The following INTS8 variants were observed in gnomAD, a reference collection of about 807,000 sequenced individuals.
INTS8 encodes protein kaonashi-1.
In INTS8, 47 loss-of-function variants were observed where a neutral mutation model predicts 138.9. The ratio of observed to expected loss-of-function variants is 0.34; its 90% CI spans 0.27 to 0.43. The LOEUF (loss-of-function observed/expected upper bound fraction) is 0.43, where lower values mean the gene tolerates loss of function less well. Among genes scored for constraint, INTS8 ranks in the 20% least tolerant of loss-of-function variants. INTS8 has a pLI of 1.00. For missense variants in INTS8, 996 were observed against 1,173.0 expected (o/e 0.85, Z 2.20); for synonymous variants, 392 against 400.9 (o/e 0.98, Z 0.27).
At chr8:94,838,740 G>T in intron 8 of INTS8, 122 bp downstream of exon 8, 2 of 656,654 alleles carry the variant, frequency 3.0e-6, no homozygotes, top group African/African-American at 1.8e-5. Context: ...TGTCATACTG[G>T]CCTGTAACAT....
At chr8:94,828,552 C>A (rs775610274) in intron 4 of INTS8, among the ~76,000 whole-genome samples, 4 of 152,004 alleles carry the variant, frequency 2.6e-5, no homozygotes, top group Non-Finnish European at 5.9e-5. Context: ...GGCAGCCTAG[C>A]CAAATTTGGA....
chr8:94,842,894 T>C (rs976698747), intron 10 of INTS8, among the ~76,000 whole-genome samples: 7 of 152,240 alleles, frequency 4.6e-5, no homozygotes, highest in Non-Finnish European at 1.0e-4. Flanking sequence ...TCTGTGTTTC[T>C]ACTGGATCAC....
chr8:94,849,213 A>G (rs1471904237), intron 10 of INTS8, among the ~76,000 whole-genome samples: 2 of 152,156 alleles, frequency 1.3e-5, no homozygotes, highest in Admixed American at 6.5e-5. Flanking sequence ...ACTGTATAGC[A>G]TGGTAACTAG....
chr8:94,880,670 A>G lies in INTS8; in HGVS notation c.*436A>G, dbSNP rs1290560206. ...AAGTTTAGGTCAAGTGTTAAGCTTT[A>G]TCACTTTGACACTGTCCTTATCTCA... On this transcript the variant is annotated 3_prime_UTR_variant, in exon 27 of 27. Transcript: ENST00000523731. 1.5e-5 allele frequency: 6 copies of G among 393,282 alleles called. No homozygotes were observed. The highest frequency in any genetic ancestry group is 1.2e-4 in the African/African-American group (6 of 48,536). 24.4% of individuals were successfully genotyped at this position (393,282 alleles called of 1,614,324 possible).
intron 8 of INTS8, 150 bp downstream of exon 8, chr8:94,838,768 C>G: frequency 1.7e-6 from 1 of 594,288 alleles, no homozygotes; most frequent in Non-Finnish European, 3.0e-6. Context: ...ATAATTATCC[C>G]ATTTCCTAAG....
At chr8:94,870,828 T>G (rs1291166649) in intron 20 of INTS8, among the ~76,000 whole-genome samples, 1 of 152,182 alleles carries the variant, frequency 6.6e-6, no homozygotes, top group African/African-American at 2.4e-5. Flanking sequence ...GCCTGTATTC[T>G]CTACCCTTGT....
intron 2 of INTS8, among the ~76,000 whole-genome samples, chr8:94,825,648 A>G (rs939145471): frequency 2.6e-5 from 4 of 152,152 alleles, no homozygotes; most frequent in Non-Finnish European, 5.9e-5. Context: ...TTTACTGGTC[A>G]TAAATCACTA....
intron 13 of INTS8, 71 bp from the exon 14 acceptor site, chr8:94,853,733 GT>G (rs1430972076): frequency 2.5e-6 from 2 of 807,344 alleles, no homozygotes; most frequent in Admixed American, 2.0e-5. Flanking sequence ...ATTGAAGATT[GT>G]TGAAAGATTC....
chr8:94,873,812 T>C lies in INTS8; in HGVS notation c.2637+335T>C, dbSNP rs1816485476. The C allele has an allele frequency of 2.2e-5, 4 of 182,396 alleles. No homozygotes were observed. The South Asian group carries it at 5.7e-4, about 26-fold the overall frequency. The allele number at this position is 182,396 out of a possible 1,614,324, so 11.3% of individuals were successfully genotyped here. On this transcript the variant is annotated intron_variant, in intron 22 of 26. Transcript: ENST00000523731. ...CTGCAAAATACCAAACATTTTTGTT[T>C]AACCATTTGAGTAGTTCAAGCCCAA...
intron 10 of INTS8, among the ~76,000 whole-genome samples, chr8:94,848,747 A>G (rs1025500818): frequency 6.6e-6 from 1 of 152,140 alleles, no homozygotes; most frequent in African/African-American, 2.4e-5. Flanking sequence ...CTTTTTGGCT[A>G]CTATGATTAA....
Position 94,832,148 on chromosome 8 carries a change from G to A in INTS8, c.727G>A (p.Val243Ile). 6.2e-7 allele frequency: 1 copy of A among 1,612,096 alleles called. No homozygotes were observed. Residue 243 changes from valine (V) to isoleucine (I), a missense_variant, in exon 6 of 27, where the codon GTC (valine) becomes ATC (isoleucine). Val to Ile is a conservative substitution (Grantham distance 29). Transcript: ENST00000523731. ...TGAGAGTTCTACTGCTGGATTGAAA[G>A]TCAAAACCGAAGAAATGCAGTGCCA... is the stretch of plus-strand genomic sequence containing the variant. ...ETESSTAGLK[V>I]KTEEMQCQVC...
At chr8:94,828,411 A>G (rs558845081) in intron 4 of INTS8, among the ~76,000 whole-genome samples, 1 of 152,340 alleles carries the variant, frequency 6.6e-6, no homozygotes, top group African/African-American at 2.4e-5. Flanking sequence ...ATATGTCAAT[A>G]TTAGAGTACA....
At chr8:94,854,908 A>ATTT (rs35252211) in intron 14 of INTS8, among the ~76,000 whole-genome samples, 11 of 135,738 alleles carry the variant, frequency 8.1e-5, no homozygotes, top group East Asian at 4.3e-4. Flanking sequence ...ATTTGAAAGA[A>ATTT]TTTTTTTTTT....
chr8:94,873,016 C>G (rs1445049212), intron 21 of INTS8, among the ~76,000 whole-genome samples: 3 of 152,140 alleles, frequency 2.0e-5, no homozygotes, highest in Admixed American at 1.3e-4. Flanking sequence ...TATTTTGATG[C>G]AAATGCTGAT....
intron 22 of INTS8, 103 bp from the exon 23 acceptor site, chr8:94,874,449 T>G (rs1362344685): frequency 2.8e-6 from 2 of 710,676 alleles, no homozygotes; most frequent in East Asian, 5.5e-5. Context: ...CCCCCGTTCC[T>G]CCACACACAG....
chr8:94,876,932 C>CT (rs1816584774), intron 26 of INTS8, among the ~76,000 whole-genome samples: 2 of 152,292 alleles, frequency 1.3e-5, no homozygotes, highest in East Asian at 3.9e-4. Context: ...CCTCAGATCT[C>CT]TCGTCAATCA....
chr8:94,867,124 GT>G lies in INTS8; in HGVS notation c.2296-12del, dbSNP rs763802840. On this transcript the variant is annotated splice_polypyrimidine_tract_variant and intron_variant, in intron 18 of 26. Coordinates refer to ENST00000523731, the MANE Select transcript of INTS8 (RefSeq NM_017864.4). ...TACATACACTGTTTAAGGATTCTGTGTTTTCTTTCTCATAGGAACCACTCGT... is the reference window on the plus strand; with the variant it reads ...TACATACACTGTTTAAGGATTCTGTGTTTCTTTCTCATAGGAACCACTCGT... The G allele has an allele frequency of 6.3e-7, 1 of 1,585,476 alleles. No homozygotes were observed. The highest frequency in any genetic ancestry group is 8.6e-7 in the Non-Finnish European group (1 of 1,160,438).
At position 94,838,608 on chromosome 8, in the gene INTS8, G is replaced by T. The variant is rs1177481501; in HGVS notation, c.1007G>T (p.Gly336Val). The T allele has an allele frequency of 4.3e-6, 7 of 1,612,612 alleles. No individual in the cohort carries two copies. Among genetic ancestry groups the T allele is most frequent in the Non-Finnish European group, 5.9e-6 (7 of 1,178,894 alleles). The change falls in exon 8 of 27, where the codon GGC (glycine) becomes GTC (valine). Residue 336 changes from glycine (G) to valine (V), a missense_variant. Gly to Val is a moderately radical substitution (Grantham distance 109). Transcript: ENST00000523731. Reference sequence around the variant, plus strand: ...CAAGTCCATATTTGTTTGAGATCTGGCAACTATCAGGTAAGGTGTATGAGG... The same window carrying T: ...CAAGTCCATATTTGTTTGAGATCTGTCAACTATCAGGTAAGGTGTATGAGG... ...YSQVHICLRSGNYQEVIQIFI... is the reference protein window; with the variant it reads ...YSQVHICLRSVNYQEVIQIFI...
chr8:94,826,732 G>A (rs1030028493), intron 2 of INTS8, among the ~76,000 whole-genome samples: 9 of 151,874 alleles, frequency 5.9e-5, no homozygotes, highest in African/African-American at 2.2e-4. Flanking sequence ...ATAATTGCTA[G>A]ATGATGGTAC....
Sources: allele counts gnomAD v4.1 joint callset (sites outside exome capture counted in the v4.1 genomes callset), GRCh38; gene constraint gnomAD v4.1.1; transcripts MANE v1.5; gene names NCBI Gene and HGNC (gene_info 2026-07-23, HGNC 2026-07-21).